The following MYO5C variants were observed in gnomAD, a reference collection of about 807,000 sequenced individuals.
MYO5C encodes the protein myosin VC.
Under a neutral mutation model 235.7 loss-of-function variants are expected in MYO5C, and 194 were observed. That is an observed-to-expected ratio of 0.82 (90% CI 0.73 to 0.93). MYO5C has a LOEUF of 0.93. Among genes scored for constraint, MYO5C ranks in the 40% least tolerant of loss-of-function variants. The pLI is 0.00. For missense variants in MYO5C, 2,038 were observed against 2,127.2 expected, an observed-to-expected ratio of 0.96 and a Z score of 0.82; for synonymous variants, 707 against 754.8, an observed-to-expected ratio of 0.94 and a Z score of 1.04.
At position 52,195,453 on chromosome 15, in the gene MYO5C, A is replaced by G; in HGVS notation, c.5000T>C (p.Ile1667Thr). 6.2e-7 allele frequency: 1 copy of G among 1,607,574 alleles called. No individual in the cohort carries two copies. Residue 1667 changes from isoleucine (I) to threonine (T), a missense_variant, in exon 40 of 41, where the codon ATA (isoleucine) becomes ACA (threonine). Coordinates refer to ENST00000261839, the MANE Select transcript of MYO5C (RefSeq NM_018728.4). ...AGGTGTGTATGAATTAAGGATCTTT[A>G]TGATCTGCAAACGGTACATAACATG... Reference protein sequence around the residue: ...RCTSLSAVQIIKILNSYTPID... With the variant: ...RCTSLSAVQITKILNSYTPID...
Position 52,245,937 on chromosome 15 carries a change from A to T in MYO5C, c.2066+19T>A. 1 of 1,608,780 alleles carries T rather than the reference A, an allele frequency of 6.2e-7. No homozygotes were observed. The highest frequency in any genetic ancestry group is 8.5e-7 in the Non-Finnish European group (1 of 1,175,214). On this transcript the variant is annotated intron_variant, in intron 17 of 40. Coordinates refer to ENST00000261839, the MANE Select transcript of MYO5C (RefSeq NM_018728.4). ...GATGTCAGGTACTTTTCCCTCCAAG[A>T]CAAGGACGGACAACATACCTGGAAG...
chr15:52,212,867 C>G (rs1452098603), intron 34 of MYO5C, among the ~76,000 whole-genome samples: 1 of 152,206 alleles, frequency 6.6e-6, no homozygotes, highest in Non-Finnish European at 1.5e-5. Context: ...TGGAAAAGGT[C>G]AGGGCAGTGG....
chr15:52,200,548 A>AAATAATAAT (rs34281585), intron 38 of MYO5C, among the ~76,000 whole-genome samples: 2 of 151,002 alleles, frequency 1.3e-5, no homozygotes, highest in Admixed American at 6.6e-5. Flanking sequence ...TTGGGTAACT[A>AAATAATAAT]AATAATAATA....
rs142420474 is a variant in MYO5C, at chr15:52,262,042, T to A, written c.1048-915A>T. Reference sequence around the variant, plus strand: ...GAGCTGGCTTTGACGTGCCTGACCTTATAAGGGAAGGGACTGGCAGTGGCA... The same window carrying A: ...GAGCTGGCTTTGACGTGCCTGACCTAATAAGGGAAGGGACTGGCAGTGGCA... On this transcript the variant is annotated intron_variant, in intron 9 of 40. Transcript: ENST00000261839. Among the ~76,000 whole-genome samples, 395 of 152,234 alleles carry A rather than the reference T, an allele frequency of 2.6e-3. 1 individual carries two copies. The highest frequency in any genetic ancestry group is 9.0e-3 in the African/African-American group (374 of 41,536).
At chr15:52,288,222 C>A (rs2037317240) in intron 1 of MYO5C, among the ~76,000 whole-genome samples, 1 of 152,192 alleles carries the variant, frequency 6.6e-6, no homozygotes, top group Non-Finnish European at 1.5e-5. Context: ...TCCAGCAGAG[C>A]TAGGGCCTGT....
At chr15:52,266,765 C>T (rs574047679) in intron 8 of MYO5C, among the ~76,000 whole-genome samples, 14 of 152,300 alleles carry the variant, frequency 9.2e-5, no homozygotes, top group African/African-American at 3.4e-4. Context: ...TCTAGCTTCG[C>T]CCTAGCATGT....
intron 18 of MYO5C, among the ~76,000 whole-genome samples, chr15:52,245,143 G>A (rs1338902173): frequency 1.3e-5 from 2 of 152,216 alleles, no homozygotes; most frequent in Non-Finnish European, 2.9e-5. Flanking sequence ...TGGGGAGGCC[G>A]GAGTTCGGAT....
intron 22 of MYO5C, chr15:52,236,966 T>A (rs1365416660): frequency 6.6e-6 from 1 of 152,392 alleles, no homozygotes; most frequent in African/African-American, 2.4e-5. Context: ...CATTTTTTTA[T>A]ATGAGGAAAC....
chr15:52,224,419 C>A (rs2035773757), intron 28 of MYO5C, among the ~76,000 whole-genome samples: 1 of 152,126 alleles, frequency 6.6e-6, no homozygotes, highest in African/African-American at 2.4e-5. Context: ...GTGACAGTGG[C>A]GTGTCAGTGT....
Position 52,237,594 on chromosome 15 carries a change from C to T in MYO5C, c.2756G>A (p.Arg919Gln), listed in dbSNP as rs375934817. The T allele has an allele frequency of 8.1e-6, 13 of 1,613,888 alleles. No individual in the cohort carries two copies. Among genetic ancestry groups the T allele is most frequent in the African/African-American group, 2.7e-5 (2 of 74,906 alleles). Residue 919 changes from arginine (R) to glutamine (Q), a missense_variant, in exon 22 of 41, where the codon CGA becomes CAA. Physicochemically the swap from Arg to Gln is conservative, Grantham distance 43. Transcript: ENST00000261839. Reference sequence around the variant, plus strand: ...CTGAATCTTTTCCACATCCCCAGCTCGAAGAGCAGCCAGGCTAGTCAGCTT... The same window carrying T: ...CTGAATCTTTTCCACATCCCCAGCTTGAAGAGCAGCCAGGCTAGTCAGCTT... ...VEKLTSLAAL[R>Q]AGDVEKIQKL...
chr15:52,250,568 G>T (rs962902248), intron 13 of MYO5C, among the ~76,000 whole-genome samples: 1 of 152,122 alleles, frequency 6.6e-6, no homozygotes, highest in Non-Finnish European at 1.5e-5. Flanking sequence ...ATATTTTACA[G>T]TACTCTGCTA....
chr15:52,251,784 T>C (rs34174146), intron 12 of MYO5C, among the ~76,000 whole-genome samples: 13,190 of 151,928 alleles, frequency 0.087, 693 homozygotes, highest in East Asian at 0.25. Context: ...CCTGCCTCAG[T>C]CTCCTAAGTA....
chr15:52,234,433 T>C (rs573617894), intron 23 of MYO5C, among the ~76,000 whole-genome samples: 2 of 152,332 alleles, frequency 1.3e-5, no homozygotes, highest in South Asian at 4.1e-4. Flanking sequence ...AATTTTCAGG[T>C]TATATTCCTG....
rs142382339 is a variant in MYO5C at position 52,196,186 on chromosome 15, G to C, written c.4995+123C>G. On this transcript the variant is annotated intron_variant, in intron 39 of 40. Transcript: ENST00000261839. ...ATAAAAGGGTGGGCCATGGGTGATA[G>C]GTATGCTCCCGAGAGTACACACAGA... 8.5e-5 allele frequency: 70 copies of C among 821,524 alleles called. 1 individual carries two copies. In the East Asian group the frequency reaches 1.9e-3, roughly 23 times the overall value. 50.9% of individuals were successfully genotyped at this position (821,524 alleles called of 1,614,324 possible).
At chr15:52,237,431 T>C in intron 22 of MYO5C, 51 bp downstream of exon 22, 1 of 1,574,656 alleles carries the variant, frequency 6.4e-7, no homozygotes, top group Non-Finnish European at 8.6e-7. Context: ...GCTCATCTTT[T>C]TCACAGAGAG....
intron 1 of MYO5C, among the ~76,000 whole-genome samples, chr15:52,290,494 A>C (rs535837852): frequency 1.7e-4 from 26 of 152,246 alleles, no homozygotes; most frequent in Admixed American, 1.4e-3. Flanking sequence ...TCTGAGTTTC[A>C]GCAGAACTTT....
At chr15:52,207,223 A>G (rs1207630402) in intron 36 of MYO5C, among the ~76,000 whole-genome samples, 1 of 152,228 alleles carries the variant, frequency 6.6e-6, no homozygotes, top group Non-Finnish European at 1.5e-5. Flanking sequence ...AAATAAAAAT[A>G]TGGTAACTGA....
At chr15:52,255,988 T>C (rs2036569664) in intron 11 of MYO5C, among the ~76,000 whole-genome samples, 1 of 152,192 alleles carries the variant, frequency 6.6e-6, no homozygotes, top group South Asian at 2.1e-4. Context: ...TAAATTAAGG[T>C]TGGAGAAACT....
chr15:52,240,540 C>CAAA (rs35556321), intron 20 of MYO5C, among the ~76,000 whole-genome samples: 11 of 101,430 alleles, frequency 1.1e-4, no homozygotes, highest in Non-Finnish European at 1.9e-4. Context: ...TCATTCTCTA[C>CAAA]AAAAAAAGAA....
Sources: gnomAD v4.1 joint callset for allele counts (sites outside exome capture counted in the v4.1 genomes callset) on GRCh38, gnomAD v4.1.1 for gene constraint, MANE v1.5 for transcripts, NCBI Gene and HGNC (gene_info 2026-07-23, HGNC 2026-07-21) for gene names.